The following CCDC60 variants were observed in gnomAD, a reference collection of about 807,000 sequenced individuals.
CCDC60 encodes coiled-coil domain containing 60.
In CCDC60, 54 loss-of-function variants were observed where a neutral mutation model predicts 63.5. That is an observed-to-expected ratio of 0.85 (90% CI 0.68 to 1.07). CCDC60 has a LOEUF of 1.07. Ranked by LOEUF, CCDC60 falls within the 50% of genes least tolerant of loss-of-function variation. The pLI, the probability that CCDC60 is intolerant of heterozygous loss-of-function variation, is 0.00. For synonymous variants in CCDC60, 206 were observed against 238.8 expected (o/e 0.86, Z 1.27); for missense variants, 651 against 684.3 (o/e 0.95, Z 0.54).
At chr12:119,407,093 G>A (rs78284796) in intron 1 of CCDC60, among the ~76,000 whole-genome samples, 2,281 of 152,270 alleles carry the variant, frequency 0.015, 56 homozygotes, top group African/African-American at 0.051. Context: ...AGGGCCATAG[G>A]GGGGTATATT....
chr12:119,469,973 C>T (rs1951024817), intron 2 of CCDC60, among the ~76,000 whole-genome samples: 1 of 152,160 alleles, frequency 6.6e-6, no homozygotes, highest in East Asian at 1.9e-4. Flanking sequence ...ACGTACAGTC[C>T]AAGCAATTCC....
intron 1 of CCDC60, among the ~76,000 whole-genome samples, chr12:119,362,057 C>T (rs542703417): frequency 1.3e-5 from 2 of 152,278 alleles, no homozygotes; most frequent in Non-Finnish European, 1.5e-5. Context: ...CCTGGACAAA[C>T]ACATATGTAT....
chr12:119,345,585 C>T (rs1020598961), intron 1 of CCDC60, among the ~76,000 whole-genome samples: 8 of 152,006 alleles, frequency 5.3e-5, no homozygotes, highest in African/African-American at 1.4e-4. Flanking sequence ...AGGGAGGTAC[C>T]TCTCAAGACC....
chr12:119,481,763 T>G (rs957636392), intron 4 of CCDC60, among the ~76,000 whole-genome samples: 2 of 151,904 alleles, frequency 1.3e-5, no homozygotes, highest in Non-Finnish European at 2.9e-5. Flanking sequence ...TTCCCACCCC[T>G]TTCCCTTGAG....
In CCDC60 at chr12:119,403,774, G is replaced by A. The variant is rs192055320; in HGVS notation, c.91-24909G>A. On this transcript the variant is annotated intron_variant, in intron 1 of 13. Coordinates refer to ENST00000327554, the MANE Select transcript of CCDC60 (RefSeq NM_178499.5). ...TCAAGTTCTCACTCACCTCCATCCCGATCTTTGCAAATGCTGTCCCCTCTG... is the reference window on the plus strand; with the variant it reads ...TCAAGTTCTCACTCACCTCCATCCCAATCTTTGCAAATGCTGTCCCCTCTG... Among the ~76,000 whole-genome samples the A allele has an allele frequency of 5.3e-5, 8 of 152,068 alleles. No individual in the cohort carries two copies. In the East Asian group the frequency reaches 5.8e-4, roughly 11 times the overall value.
intron 3 of CCDC60, among the ~76,000 whole-genome samples, chr12:119,472,573 C>T (rs1951085543): frequency 7.2e-6 from 1 of 139,834 alleles, no homozygotes. Context: ...TAAAAAATGC[C>T]TCCTTTTTTT....
Position 119,428,724 on chromosome 12 carries a change from G to T in CCDC60, c.132G>T (p.Lys44Asn). 1 of 1,608,016 alleles carries T rather than the reference G, an allele frequency of 6.2e-7. No homozygotes were observed. Among genetic ancestry groups the T allele is most frequent in the Non-Finnish European group, 8.5e-7 (1 of 1,176,532 alleles). The change falls in exon 2 of 14, where the codon AAG (lysine) becomes AAT (asparagine). Residue 44 changes from lysine to asparagine, a missense_variant. Physicochemically the swap from Lys to Asn is moderately conservative, Grantham distance 94. Coordinates refer to ENST00000327554, the MANE Select transcript of CCDC60 (RefSeq NM_178499.5). The part of the protein sequence containing the change: ...KPMKSIKYMD[K>N]EIINLKKDLI... ...TGAAGAGCATCAAGTATATGGACAAGGAAATAATAAACCTCAAAAAGGACC... is the reference window on the plus strand; with the variant it reads ...TGAAGAGCATCAAGTATATGGACAATGAAATAATAAACCTCAAAAAGGACC...
chr12:119,346,832 C>CTTTCT (rs1555230529), intron 1 of CCDC60, among the ~76,000 whole-genome samples: 3,192 of 90,640 alleles, frequency 0.035, 79 homozygotes, highest in Non-Finnish European at 0.049. Flanking sequence ...TTCTTTCTTT[C>CTTTCT]TTTTTTTTTT....
intron 1 of CCDC60, among the ~76,000 whole-genome samples, chr12:119,346,564 A>T (rs1955594812): frequency 1.3e-5 from 2 of 152,168 alleles, no homozygotes; most frequent in African/African-American, 2.4e-5. Context: ...GAATATGTTT[A>T]AAAAGCCTCT....
intron 1 of CCDC60, among the ~76,000 whole-genome samples, chr12:119,400,329 G>T (rs562094649): frequency 7.1e-4 from 108 of 152,344 alleles, no homozygotes; most frequent in Admixed American, 1.8e-3. Context: ...GATTACAGGC[G>T]TGAGCCACTG....
intron 1 of CCDC60, among the ~76,000 whole-genome samples, chr12:119,422,439 A>T (rs534762311): frequency 6.6e-6 from 1 of 152,354 alleles, no homozygotes; most frequent in Non-Finnish European, 1.5e-5. Context: ...CTGCACAGGA[A>T]GCATGATGCT....
chr12:119,446,032 C>T (rs1950536771), intron 2 of CCDC60, among the ~76,000 whole-genome samples: 1 of 152,076 alleles, frequency 6.6e-6, no homozygotes, highest in Non-Finnish European at 1.5e-5. Context: ...AGAACTTACT[C>T]ATGTAACCAA....
At chr12:119,400,382 A>C (rs910036604) in intron 1 of CCDC60, among the ~76,000 whole-genome samples, 1 of 152,220 alleles carries the variant, frequency 6.6e-6, no homozygotes, top group African/African-American at 2.4e-5. Context: ...CAGCATGAGG[A>C]TATTTAGCAC....
intron 1 of CCDC60, among the ~76,000 whole-genome samples, chr12:119,394,836 G>A (rs2136205671): frequency 6.6e-6 from 1 of 152,284 alleles, no homozygotes; most frequent in South Asian, 2.1e-4. Context: ...CTGAATAGGG[G>A]CAGATGCATA....
intron 1 of CCDC60, among the ~76,000 whole-genome samples, chr12:119,403,860 T>C (rs1203269682): frequency 6.6e-6 from 1 of 152,210 alleles, no homozygotes; most frequent in Non-Finnish European, 1.5e-5. Flanking sequence ...AAATGAAAAA[T>C]TGTATATATT....
intron 1 of CCDC60, among the ~76,000 whole-genome samples, chr12:119,409,242 G>T (rs754393984): frequency 6.6e-6 from 1 of 152,150 alleles, no homozygotes; most frequent in Non-Finnish European, 1.5e-5. Context: ...TAAAAACACA[G>T]CTCTTGTCTT....
chr12:119,470,488 C>T (rs1262243679), intron 2 of CCDC60, among the ~76,000 whole-genome samples: 2 of 152,194 alleles, frequency 1.3e-5, no homozygotes, highest in African/African-American at 4.8e-5. Context: ...GCTGGAAAAT[C>T]CCGACCTCCC....
chr12:119,421,357 A>G (rs574610736), intron 1 of CCDC60, among the ~76,000 whole-genome samples: 76 of 152,262 alleles, frequency 5.0e-4, no homozygotes, highest in African/African-American at 1.8e-3. Context: ...ATAGCTAGCA[A>G]CCGCTACCCC....
chr12:119,354,230 G>T (rs1395486602), intron 1 of CCDC60, among the ~76,000 whole-genome samples: 1 of 151,974 alleles, frequency 6.6e-6, no homozygotes, highest in Non-Finnish European at 1.5e-5. Flanking sequence ...TGTTTAAAAA[G>T]TGAACAGAAA....
Sources: allele counts gnomAD v4.1 joint callset (sites outside exome capture counted in the v4.1 genomes callset), GRCh38; gene constraint gnomAD v4.1.1; transcripts MANE v1.5; gene names NCBI Gene and HGNC (gene_info 2026-07-23, HGNC 2026-07-21).